Variants in TBC1D22A observed in about 807,000 individuals in gnomAD.
TBC1D22A encodes TBC1 domain family member 22A.
In TBC1D22A, 38 loss-of-function variants were observed where a neutral mutation model predicts 60.2. The ratio of observed to expected loss-of-function variants is 0.63; its 90% confidence interval spans 0.49 to 0.83. The LOEUF (loss-of-function observed/expected upper bound fraction) is 0.83. Ranked by LOEUF, TBC1D22A falls within the 40% of genes least tolerant of loss-of-function variation. The pLI, the probability that TBC1D22A is intolerant of heterozygous loss-of-function variation, is 0.00. For missense variants in TBC1D22A, 628 were observed against 701.0 expected, an observed-to-expected ratio of 0.90 and a Z score of 1.18; for synonymous variants, 302 against 281.7, an observed-to-expected ratio of 1.07 and a Z score of -0.72.
chr22:47,115,029 G>C (rs1298936780), intron 12 of TBC1D22A, among the ~76,000 whole-genome samples: 12 of 151,870 alleles, frequency 7.9e-5, no homozygotes, highest in Admixed American at 2.6e-4. Flanking sequence ...AGCAGGGAGT[G>C]GTGGGGCGGG....
intron 4 of TBC1D22A, among the ~76,000 whole-genome samples, chr22:46,806,993 A>G (rs1206892904): frequency 6.6e-6 from 1 of 152,176 alleles, no homozygotes; most frequent in African/African-American, 2.4e-5. Flanking sequence ...TGGCCTGGAT[A>G]CTCTAGTATT....
At chr22:46,852,507 A>G (rs1329936030) in intron 4 of TBC1D22A, among the ~76,000 whole-genome samples, 1 of 152,076 alleles carries the variant, frequency 6.6e-6, no homozygotes, top group African/African-American at 2.4e-5. Flanking sequence ...GTTTGTCCGA[A>G]TCTCAGTGGC....
intron 4 of TBC1D22A, among the ~76,000 whole-genome samples, chr22:46,875,801 G>A (rs1043645543): frequency 1.3e-5 from 2 of 152,156 alleles, no homozygotes; most frequent in East Asian, 1.9e-4. Context: ...AAAATATCAC[G>A]CCCCCCAACA....
intron 7 of TBC1D22A, among the ~76,000 whole-genome samples, chr22:46,910,917 G>A (rs1403828251): frequency 1.3e-5 from 2 of 152,054 alleles, no homozygotes; most frequent in African/African-American, 4.8e-5. Context: ...GGCAGGCTCA[G>A]TTGGGGAAGA....
intron 8 of TBC1D22A, among the ~76,000 whole-genome samples, chr22:46,918,149 A>G (rs1220139849): frequency 6.6e-6 from 1 of 152,244 alleles, no homozygotes; most frequent in Non-Finnish European, 1.5e-5. Context: ...GTAAGTGTCC[A>G]GTATGCGTTG....
At chr22:47,096,576 C>A (rs189593828) in intron 11 of TBC1D22A, among the ~76,000 whole-genome samples, 137 of 152,232 alleles carry the variant, frequency 9.0e-4, no homozygotes, top group African/African-American at 3.1e-3. Context: ...AATCCCAGCA[C>A]TTTGGGGGGC....
At chr22:47,148,512 C>T (rs964404036) in intron 12 of TBC1D22A, among the ~76,000 whole-genome samples, 1 of 151,798 alleles carries the variant, frequency 6.6e-6, no homozygotes, top group Non-Finnish European at 1.5e-5. Context: ...TTGGGTGCGT[C>T]TCAAGGGCCT....
At chr22:46,784,653 C>CT (rs554352114) in intron 1 of TBC1D22A, among the ~76,000 whole-genome samples, 9 of 151,736 alleles carry the variant, frequency 5.9e-5, no homozygotes, top group South Asian at 2.1e-4. Context: ...GTTGCAGAGA[C>CT]TTTTTTTTTA....
At chr22:47,081,512 A>G (rs2064466762) in intron 11 of TBC1D22A, among the ~76,000 whole-genome samples, 1 of 152,234 alleles carries the variant, frequency 6.6e-6, no homozygotes, top group African/African-American at 2.4e-5. Flanking sequence ...CACGAAAGTG[A>G]AATAAAAGAC....
chr22:47,111,252 G>A (rs565378293), intron 11 of TBC1D22A, among the ~76,000 whole-genome samples: 6 of 152,380 alleles, frequency 3.9e-5, no homozygotes, highest in African/African-American at 9.6e-5. Context: ...ATGAACAACC[G>A]CTTCTGAGGC....
intron 1 of TBC1D22A, chr22:46,764,420 AG>A (rs1030571785): frequency 1.3e-5 from 2 of 152,170 alleles, no homozygotes; most frequent in South Asian, 2.1e-4. Flanking sequence ...TTAGGTCTTA[AG>A]GTTTTGGTTC....
intron 10 of TBC1D22A, among the ~76,000 whole-genome samples, chr22:47,002,876 T>C (rs546128113): frequency 1.3e-5 from 2 of 152,180 alleles, no homozygotes; most frequent in Non-Finnish European, 2.9e-5. Flanking sequence ...TAAGCTGATC[T>C]GAACTTAGCT....
chr22:47,146,184 G>A (rs1266841471), intron 12 of TBC1D22A, among the ~76,000 whole-genome samples: 1 of 152,186 alleles, frequency 6.6e-6, no homozygotes, highest in African/African-American at 2.4e-5. Context: ...GCGCGGGGAC[G>A]CACTGGATTG....
chr22:46,890,052 T>G (rs1363573929), intron 5 of TBC1D22A, among the ~76,000 whole-genome samples: 1 of 152,158 alleles, frequency 6.6e-6, no homozygotes, highest in Admixed American at 6.5e-5. Flanking sequence ...TTCGAAAATA[T>G]TTGGGAAAAA....
In TBC1D22A at chr22:46,999,215, T is replaced by C. The variant is rs528852875; in HGVS notation, c.1201+1506T>C. Among the ~76,000 whole-genome samples the C allele has an allele frequency of 2.6e-5, 4 of 152,358 alleles. No homozygotes were observed. The South Asian group carries it at 8.3e-4, about 32-fold the overall frequency. On this transcript the variant is annotated intron_variant, in intron 10 of 12. Transcript: ENST00000337137. ...TGCTGTGGTTCAGAAAGAAGCACAT[T>C]GCGGATTCGCTGGATGATTGTTTAA...
intron 11 of TBC1D22A, among the ~76,000 whole-genome samples, chr22:47,076,830 T>C (rs1320988524): frequency 6.6e-6 from 1 of 152,058 alleles, no homozygotes; most frequent in Non-Finnish European, 1.5e-5. Context: ...AGTGTAGAGG[T>C]AGACATCTGT....
chr22:47,003,812 ACG>A (rs1237794212), intron 10 of TBC1D22A, among the ~76,000 whole-genome samples: 2 of 75,388 alleles, frequency 2.7e-5, no homozygotes, highest in Admixed American at 2.9e-4. Context: ...TACACACCCT[ACG>A]CACACATGCC....
chr22:46,845,847 G>A (rs2086965545), intron 4 of TBC1D22A, among the ~76,000 whole-genome samples: 1 of 152,228 alleles, frequency 6.6e-6, no homozygotes, highest in Non-Finnish European at 1.5e-5. Context: ...TTCAGAGTCT[G>A]TCGTTCCTGC....
chr22:47,042,368 C>T (rs114715165), intron 11 of TBC1D22A, among the ~76,000 whole-genome samples: 3,389 of 152,114 alleles, frequency 0.022, 117 homozygotes, highest in African/African-American at 0.076. Flanking sequence ...CCATGGCTCC[C>T]GGTCTGTGGA....
Sources: allele counts gnomAD v4.1 joint callset (sites outside exome capture counted in the v4.1 genomes callset), GRCh38; gene constraint gnomAD v4.1.1; transcripts MANE v1.5; gene names NCBI Gene and HGNC (gene_info 2026-07-23, HGNC 2026-07-21).